The following BABAM2 variants were observed in gnomAD, a reference collection of about 807,000 sequenced individuals.
BABAM2 encodes the protein BRISC and BRCA1 A complex member 2, also known as BRISC and BRCA1-A complex member 2.
In BABAM2, 31 loss-of-function variants were observed where a neutral mutation model predicts 54.7. The ratio of observed to expected loss-of-function variants is 0.57; its 90% confidence interval spans 0.43 to 0.77. The LOEUF (loss-of-function observed/expected upper bound fraction) is 0.77, where lower values mean the gene tolerates loss of function less well. Ranked by LOEUF, BABAM2 falls within the 30% of genes least tolerant of loss-of-function variation. BABAM2 has a pLI of 0.00. For synonymous variants in BABAM2, 167 were observed against 162.9 expected (o/e 1.03, Z -0.19); for missense variants, 364 against 455.8 (o/e 0.80, Z 1.83).
intron 10 of BABAM2, among the ~76,000 whole-genome samples, chr2:28,247,707 C>A (rs1391332930): frequency 6.6e-6 from 1 of 152,190 alleles, no homozygotes; most frequent in Non-Finnish European, 1.5e-5. Context: ...CCCTTCCTCC[C>A]TATTCTCCTC....
intron 7 of BABAM2, among the ~76,000 whole-genome samples, chr2:28,187,104 C>T (rs1462584539): frequency 1.3e-5 from 2 of 152,132 alleles, no homozygotes; most frequent in African/African-American, 4.8e-5. Context: ...CGCGCCCAGC[C>T]GGAATTCAAC....
At chr2:27,918,555 A>T (rs993404541) in intron 2 of BABAM2, among the ~76,000 whole-genome samples, 1 of 151,952 alleles carries the variant, frequency 6.6e-6, no homozygotes, top group Non-Finnish European at 1.5e-5. Flanking sequence ...GATTGCTTCT[A>T]CCTTTTGTTT....
intron 7 of BABAM2, among the ~76,000 whole-genome samples, chr2:28,169,072 T>G (rs1483869857): frequency 6.6e-6 from 1 of 152,186 alleles, no homozygotes; most frequent in Non-Finnish European, 1.5e-5. Context: ...CTGTGTTCTA[T>G]TATGGGCTTA....
chr2:28,049,853 G>A (rs1282075983), intron 6 of BABAM2, among the ~76,000 whole-genome samples: 2 of 152,188 alleles, frequency 1.3e-5, no homozygotes, highest in Admixed American at 1.3e-4. Flanking sequence ...ATGGAAGAGA[G>A]CATCTAGGTG....
rs1182692344 is a variant in BABAM2, at chr2:28,026,884, A to T, written c.495+1464A>T. 9.8e-5 allele frequency among the ~76,000 whole-genome samples: 5 copies of T among 50,950 alleles called. 1 individual carries two copies. The highest frequency in any genetic ancestry group is 3.4e-4 in the East Asian group (1 of 2,916). The allele number at this position is 50,950 out of a possible 152,430, so 33.4% of individuals were successfully genotyped here. On this transcript the variant is annotated intron_variant, in intron 5 of 11. Coordinates refer to ENST00000379624, the MANE Select transcript of BABAM2 (RefSeq NM_199191.3). ...TATAGATATATATATTTATATATAT[A>T]TAGATATATATAAATATATATAAAT...
intron 7 of BABAM2, among the ~76,000 whole-genome samples, chr2:28,231,829 A>G (rs1218562241): frequency 9.1e-6 from 1 of 110,112 alleles, no homozygotes; most frequent in Non-Finnish European, 1.7e-5. Context: ...TTTTTAAGAG[A>G]CAGAGTCCCA....
At chr2:28,052,382 G>A (rs1409376178) in intron 6 of BABAM2, among the ~76,000 whole-genome samples, 1 of 151,490 alleles carries the variant, frequency 6.6e-6, no homozygotes, top group Non-Finnish European at 1.5e-5. Context: ...CCGCCTCTGG[G>A]ATTCAGGCAA....
intron 7 of BABAM2, among the ~76,000 whole-genome samples, chr2:28,145,610 A>G (rs1285841856): frequency 6.6e-6 from 1 of 152,184 alleles, no homozygotes; most frequent in Non-Finnish European, 1.5e-5. Flanking sequence ...TCACCCATTT[A>G]AAGTGTACAG....
At chr2:28,206,618 T>G (rs1017136495) in intron 7 of BABAM2, among the ~76,000 whole-genome samples, 1 of 152,144 alleles carries the variant, frequency 6.6e-6, no homozygotes, top group African/African-American at 2.4e-5. Context: ...AAGTCTTGTG[T>G]CTTTCCTTCG....
chr2:28,044,996 A>T (rs1000200188), intron 5 of BABAM2, among the ~76,000 whole-genome samples: 14 of 138,312 alleles, frequency 1.0e-4, no homozygotes, highest in Non-Finnish European at 2.0e-4. Flanking sequence ...TGACAAAGTT[A>T]AAAAAAAAAA....
intron 6 of BABAM2, among the ~76,000 whole-genome samples, chr2:28,085,718 T>C (rs1220617345): frequency 6.6e-6 from 1 of 152,214 alleles, no homozygotes; most frequent in South Asian, 2.1e-4. Flanking sequence ...ATAAAAACTT[T>C]AGTGTTTCTA....
In BABAM2 at chr2:28,016,057, C is replaced by T. The variant is rs1674787371; in HGVS notation, c.301-9169C>T. On this transcript the variant is annotated intron_variant, in intron 4 of 11. Coordinates refer to ENST00000379624, the MANE Select transcript of BABAM2 (RefSeq NM_199191.3). ...GTCTGATTCAGTTTCTGACATGGAC[C>T]TTTCAGAAGATTTATGTGAACGGTT... 5 of 729,410 alleles carry T rather than the reference C, an allele frequency of 6.9e-6. No individual in the cohort carries two copies. In the East Asian group the frequency reaches 1.7e-4, roughly 25 times the overall value. 45.2% of individuals were successfully genotyped at this position (729,410 alleles called of 1,614,324 possible).
chr2:28,168,640 TATC>T (rs1395393170), intron 7 of BABAM2, among the ~76,000 whole-genome samples: 1 of 152,236 alleles, frequency 6.6e-6, no homozygotes, highest in Non-Finnish European at 1.5e-5. Flanking sequence ...GCAGTTTACT[TATC>T]ATTCTTAGAG....
At chr2:28,244,054 C>A (rs980673793) in intron 9 of BABAM2, among the ~76,000 whole-genome samples, 1 of 152,152 alleles carries the variant, frequency 6.6e-6, no homozygotes, top group Non-Finnish European at 1.5e-5. Context: ...TGAGTTGAGG[C>A]TACAGAATTG....
chr2:28,018,944 T>A (rs1390979494), intron 4 of BABAM2, among the ~76,000 whole-genome samples: 1 of 152,148 alleles, frequency 6.6e-6, no homozygotes, highest in Non-Finnish European at 1.5e-5. Context: ...CAACCCATCA[T>A]CTAGGTTTTA....
intron 6 of BABAM2, among the ~76,000 whole-genome samples, chr2:28,112,087 T>TTCTTTCTTTC (rs1668078496): frequency 4.0e-4 from 2 of 5,018 alleles, no homozygotes; most frequent in African/African-American, 8.8e-4. Flanking sequence ...CCATTACTCT[T>TTCTTTCTTTC]TCTTTCTTTC....
chr2:27,936,114 T>C (rs1195913097), intron 3 of BABAM2, among the ~76,000 whole-genome samples: 2 of 152,074 alleles, frequency 1.3e-5, no homozygotes, highest in African/African-American at 4.8e-5. Flanking sequence ...GAGACGGGGC[T>C]TCACCATATT....
intron 10 of BABAM2, among the ~76,000 whole-genome samples, chr2:28,288,742 A>G (rs1195539602): frequency 6.6e-6 from 1 of 152,206 alleles, no homozygotes; most frequent in Non-Finnish European, 1.5e-5. Context: ...TTCAACTTGT[A>G]ACCATCTAGA....
intron 7 of BABAM2, among the ~76,000 whole-genome samples, chr2:28,175,420 C>T (rs1273351999): frequency 6.6e-6 from 1 of 152,190 alleles, no homozygotes; most frequent in Non-Finnish European, 1.5e-5. Flanking sequence ...GCACTGCTAC[C>T]CCCTCCCAGT....
Sources: allele counts gnomAD v4.1 joint callset (sites outside exome capture counted in the v4.1 genomes callset), GRCh38; gene constraint gnomAD v4.1.1; transcripts MANE v1.5; gene names NCBI Gene and HGNC (gene_info 2026-07-23, HGNC 2026-07-21).